Variants in TMEFF2 observed in about 807,000 individuals in gnomAD.
TMEFF2 encodes tomoregulin-2.
A neutral mutation model predicts 53.8 loss-of-function variants in TMEFF2; 28 were observed. The ratio of observed to expected loss-of-function variants is 0.52; its 90% confidence interval spans 0.39 to 0.71. The LOEUF (loss-of-function observed/expected upper bound fraction) is 0.71, where lower values mean the gene tolerates loss of function less well. TMEFF2 is among the 30% of genes least tolerant of loss of function. The pLI is 0.00. For synonymous variants in TMEFF2, 162 were observed against 166.3 expected, an observed-to-expected ratio of 0.97 and a Z score of 0.20; for missense variants, 353 against 455.2, an observed-to-expected ratio of 0.78 and a Z score of 2.04.
At chr2:192,091,555 C>A (rs1333472183) in intron 4 of TMEFF2, among the ~76,000 whole-genome samples, 1 of 152,118 alleles carries the variant, frequency 6.6e-6, no homozygotes, top group Non-Finnish European at 1.5e-5. Context: ...AAATTAAACC[C>A]TTATTTTAAT....
intron 4 of TMEFF2, among the ~76,000 whole-genome samples, chr2:192,152,141 T>C (rs1690403070): frequency 6.6e-6 from 1 of 151,892 alleles, no homozygotes; most frequent in African/African-American, 2.4e-5. Context: ...TGGCTGCCAA[T>C]TTTTATCTCA....
chr2:192,149,251 TA>T (rs1282207496), intron 4 of TMEFF2, among the ~76,000 whole-genome samples: 3 of 152,034 alleles, frequency 2.0e-5, no homozygotes, highest in Non-Finnish European at 2.9e-5. Context: ...AAGCACTTGG[TA>T]GTCTGATGAG....
At chr2:192,011,212 C>T (rs1686617371) in intron 5 of TMEFF2, among the ~76,000 whole-genome samples, 1 of 152,168 alleles carries the variant, frequency 6.6e-6, no homozygotes, top group African/African-American at 2.4e-5. Flanking sequence ...AGTTGGAACC[C>T]TGGACACTTA....
intron 1 of TMEFF2, among the ~76,000 whole-genome samples, chr2:192,193,307 G>A (rs940636851): frequency 6.6e-6 from 1 of 152,182 alleles, no homozygotes; most frequent in African/African-American, 2.4e-5. Context: ...AGTTTAAAAT[G>A]CCAAGGAAAT....
In TMEFF2 at chr2:191,987,718, A is replaced by G. The variant is rs534998743; in HGVS notation, c.745+10544T>C. Among the ~76,000 whole-genome samples, 9 of 152,342 alleles carry G rather than the reference A, an allele frequency of 5.9e-5. No homozygotes were observed. The South Asian group carries it at 1.9e-3, about 32-fold the overall frequency. On this transcript the variant is annotated intron_variant, in intron 7 of 9. Transcript: ENST00000272771. ...ATTAGAACAGAGATGAGACTAAGTC[A>G]AAAGTTCTGCATCCTACTCCAAGCT...
intron 5 of TMEFF2, among the ~76,000 whole-genome samples, chr2:192,015,308 CTTTTTT>C (rs34696715): frequency 2.6e-5 from 2 of 76,272 alleles, no homozygotes; most frequent in South Asian, 1.1e-3. Context: ...ATCACTGAAG[CTTTTTT>C]TTTTTTTTTT....
intron 4 of TMEFF2, among the ~76,000 whole-genome samples, chr2:192,060,562 A>G (rs1165523951): frequency 6.6e-6 from 1 of 152,160 alleles, no homozygotes; most frequent in Non-Finnish European, 1.5e-5. Context: ...AGTTATACAT[A>G]TGTACGTACA....
rs558526178 is a variant in TMEFF2 at position 192,130,600 on chromosome 2, C to G, written c.439+49068G>C. On this transcript the variant is annotated intron_variant, in intron 4 of 9. Coordinates refer to ENST00000272771, the MANE Select transcript of TMEFF2 (RefSeq NM_016192.4). The stretch of plus-strand genomic sequence containing the variant: ...CCTTCTCCTGGCTCAGAAGCTCCCC[C>G]ACTGAGCACCTTGTGACCCCCGCCC... 3.2e-4 allele frequency among the ~76,000 whole-genome samples: 48 copies of G among 152,246 alleles called. No homozygotes were observed. In the South Asian group the frequency reaches 6.4e-3, roughly 20 times the overall value.
chr2:192,061,242 T>A (rs989324082), intron 4 of TMEFF2, among the ~76,000 whole-genome samples: 3 of 152,152 alleles, frequency 2.0e-5, no homozygotes, highest in Admixed American at 6.6e-5. Context: ...AGCATTGTAA[T>A]TCACTCTGAT....
chr2:192,139,960 T>C (rs1690098294), intron 4 of TMEFF2, among the ~76,000 whole-genome samples: 1 of 152,208 alleles, frequency 6.6e-6, no homozygotes, highest in Non-Finnish European at 1.5e-5. Context: ...TTTTTCTTTT[T>C]TCAGCAACGT....
intron 4 of TMEFF2, among the ~76,000 whole-genome samples, chr2:192,116,318 G>A (rs565302196): frequency 6.6e-6 from 1 of 151,992 alleles, no homozygotes; most frequent in African/African-American, 2.4e-5. Flanking sequence ...ATTACGGAGT[G>A]GGGAGAGATA....
At chr2:192,176,015 G>T (rs1211063872) in intron 4 of TMEFF2, among the ~76,000 whole-genome samples, 1 of 151,404 alleles carries the variant, frequency 6.6e-6, no homozygotes, top group Non-Finnish European at 1.5e-5. Flanking sequence ...TCTGAATTTT[G>T]AGAGGAGGCA....
chr2:191,968,355 G>A (rs990850502), intron 7 of TMEFF2, among the ~76,000 whole-genome samples: 15 of 152,266 alleles, frequency 9.9e-5, no homozygotes, highest in African/African-American at 3.4e-4. Flanking sequence ...GAAAACAATT[G>A]GAGGCAAAAT....
chr2:192,097,348 CATCTT>C (rs1688937250), intron 4 of TMEFF2, among the ~76,000 whole-genome samples: 2 of 152,212 alleles, frequency 1.3e-5, no homozygotes, highest in South Asian at 2.1e-4. Context: ...GTGTCTGTAT[CATCTT>C]ATCTACTCAA....
In TMEFF2 at chr2:192,081,947, C is replaced by T. The variant is rs1418876965; in HGVS notation, c.440-24172G>A. On this transcript the variant is annotated intron_variant, in intron 4 of 9. Coordinates refer to ENST00000272771, the MANE Select transcript of TMEFF2 (RefSeq NM_016192.4). ...TCCTGAGTATCTGGGACTACAGGCC[C>T]CCGCCACCATGCCAGGCTAATTTTT... Among the ~76,000 whole-genome samples the T allele has an allele frequency of 2.6e-5, 4 of 151,846 alleles. No homozygotes were observed. In the East Asian group the frequency reaches 7.7e-4, roughly 29 times the overall value.
chr2:192,082,037 T>A (rs755843447), intron 4 of TMEFF2, among the ~76,000 whole-genome samples: 37 of 152,072 alleles, frequency 2.4e-4, no homozygotes, highest in Non-Finnish European at 4.1e-4. Context: ...CCTGACCTCA[T>A]GATCCACCCG....
In TMEFF2 at chr2:192,194,805, G is replaced by A. The variant is rs1211674574; in HGVS notation, c.-281C>T. 1.5e-5 allele frequency: 7 copies of A among 468,286 alleles called. 1 individual carries two copies. Among genetic ancestry groups the A allele is most frequent in the Non-Finnish European group, 2.7e-5 (7 of 256,310 alleles). 29.0% of individuals were successfully genotyped at this position (468,286 alleles called of 1,614,324 possible). On this transcript the variant is annotated 5_prime_UTR_variant, in exon 1 of 10. Coordinates refer to ENST00000272771, the MANE Select transcript of TMEFF2 (RefSeq NM_016192.4). The surrounding 1 kb of genome is among the most constrained non-coding windows in gnomAD (Gnocchi z 4.2). ...TGCCATAAGGAGGGAGCTCTGGGAA[G>A]CCGGAGGACAGGAGGAGACGGGAGT...
intron 4 of TMEFF2, among the ~76,000 whole-genome samples, chr2:192,163,756 A>G (rs1159075487): frequency 6.6e-6 from 1 of 152,178 alleles, no homozygotes; most frequent in Admixed American, 6.5e-5. Flanking sequence ...TTCATGTCTT[A>G]AAAGTAAACC....
chr2:192,192,563 T>A (rs1480511913), intron 1 of TMEFF2, among the ~76,000 whole-genome samples: 3 of 152,206 alleles, frequency 2.0e-5, no homozygotes, highest in Non-Finnish European at 4.4e-5. Flanking sequence ...ACCTCTAAGT[T>A]AACAGGGGTG....
Sources: allele counts gnomAD v4.1 joint callset (sites outside exome capture counted in the v4.1 genomes callset), GRCh38; gene constraint gnomAD v4.1.1; non-coding constraint Gnocchi (gnomAD v3.1); transcripts MANE v1.5; gene names NCBI Gene and HGNC (gene_info 2026-07-23, HGNC 2026-07-21).